The following PLXNA4 variants were observed in gnomAD, a reference collection of about 807,000 sequenced individuals.
PLXNA4 encodes plexin-A4.
A neutral mutation model predicts 191.8 loss-of-function variants in PLXNA4; 44 were observed. That is an observed-to-expected ratio of 0.23 (90% CI 0.18 to 0.29). The LOEUF (loss-of-function observed/expected upper bound fraction) is 0.29, where lower values mean the gene tolerates loss of function less well. Among genes scored for constraint, PLXNA4 ranks in the 10% least tolerant of loss-of-function variants. PLXNA4 has a pLI of 1.00. For missense variants in PLXNA4, 1,800 were observed against 2,488.8 expected, an observed-to-expected ratio of 0.72 and a Z score of 5.89; for synonymous variants, 1,082 against 1,009.5, an observed-to-expected ratio of 1.07 and a Z score of -1.36.
At chr7:132,360,152 T>C (rs878952405) in intron 3 of PLXNA4, among the ~76,000 whole-genome samples, 1 of 152,180 alleles carries the variant, frequency 6.6e-6, no homozygotes, top group African/African-American at 2.4e-5. Flanking sequence ...CCCGGGACCA[T>C]TGCTATGTAC....
chr7:132,432,279 T>C (rs182583425), intron 3 of PLXNA4, among the ~76,000 whole-genome samples: 1 of 152,294 alleles, frequency 6.6e-6, no homozygotes, highest in Non-Finnish European at 1.5e-5. Context: ...ATCCCGTTTA[T>C]GAGTGACCAG....
chr7:132,456,115 T>C (rs1242177449), intron 3 of PLXNA4, among the ~76,000 whole-genome samples: 3 of 149,358 alleles, frequency 2.0e-5, no homozygotes, highest in African/African-American at 7.4e-5. Context: ...TCTGTTCTTT[T>C]TTTTTTTTTT....
At chr7:132,565,765 G>GA (rs199559879) in intron 1 of PLXNA4, among the ~76,000 whole-genome samples, 164 of 149,544 alleles carry the variant, frequency 1.1e-3, no homozygotes, top group African/African-American at 2.2e-3. Context: ...TTTGAAAAAA[G>GA]AAAAAAAAAT....
chr7:132,259,602 C>T (rs777363548), intron 4 of PLXNA4, among the ~76,000 whole-genome samples: 1 of 152,050 alleles, frequency 6.6e-6, no homozygotes. Context: ...CTCACTGAAG[C>T]CTTTGTGCAT....
intron 3 of PLXNA4, among the ~76,000 whole-genome samples, chr7:132,329,766 C>T (rs1353698790): frequency 1.3e-5 from 2 of 152,138 alleles, no homozygotes; most frequent in African/African-American, 2.4e-5. Context: ...ACTGATGATT[C>T]GTGGGGCCCC....
intron 21 of PLXNA4, among the ~76,000 whole-genome samples, chr7:132,169,974 C>T (rs1001964152): frequency 2.0e-5 from 3 of 152,128 alleles, no homozygotes; most frequent in Middle Eastern, 3.4e-3. Context: ...GAGGGACGGC[C>T]TGGGGAGGTA....
intron 2 of PLXNA4, among the ~76,000 whole-genome samples, chr7:132,491,344 AG>A (rs1487611168): frequency 1.3e-5 from 2 of 152,318 alleles, no homozygotes; most frequent in Non-Finnish European, 1.5e-5. Flanking sequence ...ACCAGGCCAC[AG>A]GCGTTCACCT....
At chr7:132,603,673 C>G (rs1263079634) in intron 2 of PLXNA4, among the ~76,000 whole-genome samples, 2 of 152,202 alleles carry the variant, frequency 1.3e-5, no homozygotes, top group Non-Finnish European at 2.9e-5. Flanking sequence ...CCAGCTCATA[C>G]AGCATGCAAA....
In PLXNA4 at chr7:132,298,107, A is replaced by G. The variant is rs759168203; in HGVS notation, c.1487T>C (p.Ile496Thr). 1 of 1,614,156 alleles carries G rather than the reference A, an allele frequency of 6.2e-7. No individual in the cohort carries two copies. The highest frequency in any genetic ancestry group is 1.1e-5 in the South Asian group (1 of 91,084). ...AFSKDHEQLYIMSERQLTRVP... is the reference protein window; with the variant it reads ...AFSKDHEQLYTMSERQLTRVP... ...GAGCCTTACCTGCCTCTCTGACATG[A>G]TGTAGAGTTGCTCGTGGTCCTTGGA... Residue 496 changes from isoleucine (I) to threonine (T), a missense_variant, in exon 4 of 32, where the codon ATC becomes ACC. Around this residue, in one of 6 missense-constraint regions of PLXNA4, gnomAD observed 1,397 missense variants for 1,880.4 expected, o/e 0.74. Coordinates refer to ENST00000321063, the MANE Select transcript of PLXNA4 (RefSeq NM_020911.2).
At chr7:132,233,289 G>T (rs1417322555) in intron 5 of PLXNA4, among the ~76,000 whole-genome samples, 1 of 152,166 alleles carries the variant, frequency 6.6e-6, no homozygotes, top group African/African-American at 2.4e-5. Context: ...CCACAGTAAT[G>T]GATAGATGCA....
chr7:132,178,252 T>C (rs1374130810), intron 20 of PLXNA4, among the ~76,000 whole-genome samples: 1 of 151,720 alleles, frequency 6.6e-6, no homozygotes, highest in Non-Finnish European at 1.5e-5. Context: ...TCGAGTAGAG[T>C]GCAAAACCCA....
At chr7:132,143,732 C>A (rs1472364939) in intron 29 of PLXNA4, among the ~76,000 whole-genome samples, 1 of 152,146 alleles carries the variant, frequency 6.6e-6, no homozygotes, top group Non-Finnish European at 1.5e-5. Flanking sequence ...GATATCAGAC[C>A]CAGCACAGCT....
chr7:132,410,385 G>A lies in PLXNA4; in HGVS notation c.1371+78907C>T, dbSNP rs191953569. On this transcript the variant is annotated intron_variant, in intron 3 of 31. Transcript: ENST00000321063. ...AAGGAGAGACACTTTTCCTGACTTCGCCCATGAGGAGAAGGAAGCACAGAG... is the reference window on the plus strand; with the variant it reads ...AAGGAGAGACACTTTTCCTGACTTCACCCATGAGGAGAAGGAAGCACAGAG... Among the ~76,000 whole-genome samples, 6 of 152,274 alleles carry A rather than the reference G, an allele frequency of 3.9e-5. No homozygotes were observed. The East Asian group carries it at 5.8e-4, about 15-fold the overall frequency.
chr7:132,185,167 T>G, intron 16 of PLXNA4, 132 bp downstream of exon 16: 2 of 1,305,716 alleles, frequency 1.5e-6, no homozygotes, highest in Non-Finnish European at 2.0e-6. Context: ...GATTTGGGGG[T>G]GTTTGGAATC....
At chr7:132,200,424 G>C (rs993049806) in intron 12 of PLXNA4, among the ~76,000 whole-genome samples, 1 of 152,174 alleles carries the variant, frequency 6.6e-6, no homozygotes, top group Non-Finnish European at 1.5e-5. Context: ...GGGCAGTGAG[G>C]AGAGAAGAGG....
At position 132,130,423 on chromosome 7, in the gene PLXNA4, A is replaced by G; in HGVS notation, c.*56T>C. ...TTGCACTTGGTAAAGATGATAATCT[A>G]GACTGAGGCACGGCTTGGTGTGTCC... is the stretch of plus-strand genomic sequence containing the variant. On this transcript the variant is annotated 3_prime_UTR_variant, in exon 32 of 32. Transcript: ENST00000321063. 6.2e-7 allele frequency: 1 copy of G among 1,613,158 alleles called. No individual in the cohort carries two copies. The highest frequency in any genetic ancestry group is 8.5e-7 in the Non-Finnish European group (1 of 1,179,312).
chr7:132,634,041 C>T (rs1222322334), intron 2 of PLXNA4, among the ~76,000 whole-genome samples: 3 of 152,002 alleles, frequency 2.0e-5, no homozygotes, highest in Non-Finnish European at 4.4e-5. Flanking sequence ...GAGACTGGCC[C>T]TGTGGTCTAA....
chr7:132,348,968 C>A (rs762419047), intron 3 of PLXNA4, among the ~76,000 whole-genome samples: 16 of 152,150 alleles, frequency 1.1e-4, no homozygotes, highest in African/African-American at 3.6e-4. Flanking sequence ...ATGGGGGCAG[C>A]GTCCCAAGTC....
intron 3 of PLXNA4, among the ~76,000 whole-genome samples, chr7:132,373,166 A>T (rs575091904): frequency 6.6e-6 from 1 of 152,310 alleles, no homozygotes; most frequent in South Asian, 2.1e-4. Context: ...AGGCAGTAGA[A>T]GTAATGATAA....
Sources: gnomAD v4.1 joint callset for allele counts (sites outside exome capture counted in the v4.1 genomes callset) on GRCh38, gnomAD v4.1.1 for gene constraint, gnomAD v4.1.1 regional missense constraint, MANE v1.5 for transcripts, NCBI Gene and HGNC (gene_info 2026-07-23, HGNC 2026-07-21) for gene names.